The following SRSF9 variants were observed in gnomAD, a reference collection of about 807,000 sequenced individuals.
The protein encoded by SRSF9 is serine/arginine-rich splicing factor 9.
In SRSF9, 3 loss-of-function variants were observed where a neutral mutation model predicts 25.9. The ratio of observed to expected loss-of-function variants is 0.12; its 90% CI spans 0.05 to 0.30. SRSF9 has a LOEUF of 0.30. Among genes scored for constraint, SRSF9 ranks in the 10% least tolerant of loss-of-function variants. SRSF9 has a pLI of 1.00. For synonymous variants in SRSF9, 114 were observed against 113.2 expected, an observed-to-expected ratio of 1.01 and a Z score of -0.05; for missense variants, 161 against 303.5, an observed-to-expected ratio of 0.53 and a Z score of 3.49.
intron 1 of SRSF9, among the ~76,000 whole-genome samples, chr12:120,466,479 A>G: frequency 6.6e-6 from 1 of 152,192 alleles, no homozygotes; most frequent in East Asian, 1.9e-4. Flanking sequence ...TTAAAAAAAT[A>G]AATAAATAAG....
Position 120,461,975 on chromosome 12 carries a change from C to T in SRSF9, c.*44G>A, listed in dbSNP as rs1379983677. 6.4e-7 allele frequency: 1 copy of T among 1,555,766 alleles called. No individual in the cohort carries two copies. Among genetic ancestry groups the T allele is most frequent in the Admixed American group, 1.9e-5 (1 of 52,802 alleles). On this transcript the variant is annotated 3_prime_UTR_variant, in exon 4 of 4. Transcript: ENST00000229390. Reference sequence around the variant, plus strand: ...AATGTAGATTCTGAGCACAAAGCAGCTCAGTTAACCTAAAAAATAAAGAAA... The same window carrying T: ...AATGTAGATTCTGAGCACAAAGCAGTTCAGTTAACCTAAAAAATAAAGAAA...
At chr12:120,464,232 G>A (rs1878432853) in intron 2 of SRSF9, 110 bp from the exon 3 acceptor site, 1 of 1,285,766 alleles carries the variant, frequency 7.8e-7, no homozygotes, top group South Asian at 1.6e-5. Context: ...AATCCTGAGG[G>A]TCCCCAAATC....
chr12:120,462,339 T>G, intron 3 of SRSF9, 177 bp from the exon 4 acceptor site: 1 of 547,832 alleles, frequency 1.8e-6, no homozygotes, highest in Non-Finnish European at 3.0e-6. Context: ...ACTCTTACTA[T>G]CCCATTTCAA....
Position 120,466,501 on chromosome 12 carries a change from A to C in SRSF9, c.189-714T>G, listed in dbSNP as rs571836476. Among the ~76,000 whole-genome samples the C allele has an allele frequency of 2.0e-5, 3 of 152,222 alleles. No homozygotes were observed. In the East Asian group the frequency reaches 5.8e-4, roughly 29 times the overall value. ...AATAAATAAATAAGGCTCAAAGGAC[A>C]AAAGAAAAATGCAAATGAGTGTTTT... On this transcript the variant is annotated intron_variant, in intron 1 of 3. Coordinates refer to ENST00000229390, the MANE Select transcript of SRSF9 (RefSeq NM_003769.3).
In SRSF9 at chr12:120,468,718, G is replaced by GCTCA. The variant is rs1351798297; in HGVS notation, c.188+703_188+704insTGAG. Among the ~76,000 whole-genome samples, 4 of 152,336 alleles carry GCTCA rather than the reference G, an allele frequency of 2.6e-5. No individual in the cohort carries two copies. The East Asian group carries it at 5.8e-4, about 22-fold the overall frequency. ...AGTTCCTGGGCTTTTTCCGGCCTGAGGGCCGACGCTGTTTGCAAAATCACA... is the reference window on the plus strand; with the variant it reads ...AGTTCCTGGGCTTTTTCCGGCCTGAGCTCAGGCCGACGCTGTTTGCAAAATCACA... On this transcript the variant is annotated intron_variant, in intron 1 of 3. Transcript: ENST00000229390.
chr12:120,466,927 T>C (rs139872135), intron 1 of SRSF9, among the ~76,000 whole-genome samples: 2 of 152,312 alleles, frequency 1.3e-5, no homozygotes, highest in East Asian at 3.9e-4. Context: ...AAGAGATAAA[T>C]ATTCAATAAA....
intron 1 of SRSF9, among the ~76,000 whole-genome samples, chr12:120,466,014 A>C (rs1249524837): frequency 6.6e-6 from 1 of 152,198 alleles, no homozygotes; most frequent in Non-Finnish European, 1.5e-5. Context: ...AGAGGTATGA[A>C]ATTATAATGA....
chr12:120,464,733 C>G (rs1878445201), intron 2 of SRSF9: 1 of 152,204 alleles, frequency 6.6e-6, no homozygotes, highest in Admixed American at 6.5e-5. Context: ...ACAACCCTAC[C>G]TGATGTCATG....
chr12:120,463,401 A>G (rs1057039470), intron 3 of SRSF9: 1 of 152,006 alleles, frequency 6.6e-6, no homozygotes, highest in Non-Finnish European at 1.5e-5. Context: ...GACTGTCTCT[A>G]AAATCAAAAA....
Position 120,461,918 on chromosome 12 carries a change from A to C in SRSF9, c.*101T>G. On this transcript the variant is annotated 3_prime_UTR_variant, in exon 4 of 4. Coordinates refer to ENST00000229390, the MANE Select transcript of SRSF9 (RefSeq NM_003769.3). ...CTTCTTTAAAAAAAAAAAATTAAAAAAATTTCCTAAGACACTAAATCCTCA... is the reference window on the plus strand; with the variant it reads ...CTTCTTTAAAAAAAAAAAATTAAAACAATTTCCTAAGACACTAAATCCTCA... 8.0e-7 allele frequency: 1 copy of C among 1,257,580 alleles called. No individual in the cohort carries two copies. The highest frequency in any genetic ancestry group is 1.0e-6 in the Non-Finnish European group (1 of 964,476). The allele number at this position is 1,257,580 out of a possible 1,614,324, so 77.9% of individuals were successfully genotyped here. A position where few individuals can be genotyped will look rare whatever the true frequency, so the allele number is the denominator to read the frequency against.
In SRSF9 at chr12:120,469,462, C is replaced by G; in HGVS notation, c.148G>C (p.Gly50Arg). The G allele has an allele frequency of 6.3e-7, 1 of 1,594,984 alleles. No individual in the cohort carries two copies. Among genetic ancestry groups the G allele is most frequent in the Middle Eastern group, 1.7e-4 (1 of 5,890 alleles). The change falls in exon 1 of 4, where the codon GGC (glycine) becomes CGC (arginine). Residue 50 changes from glycine to arginine, a missense_variant. By Grantham distance (125) the Gly-to-Arg change is moderately radical (BLOSUM62 -2). Transcript: ENST00000229390. ...IREIELKNRH[G>R]LVPFAFVRFE... Reference sequence around the variant, plus strand: ...CGCACGAAGGCGAAGGGCACGAGGCCGTGCCGGTTCTTGAGCTCGATCTCG... The same window carrying G: ...CGCACGAAGGCGAAGGGCACGAGGCGGTGCCGGTTCTTGAGCTCGATCTCG...
intron 3 of SRSF9, chr12:120,463,703 GTGTAA>G (rs1878417858): frequency 2.6e-6 from 1 of 391,848 alleles, no homozygotes; most frequent in African/African-American, 2.0e-5. Flanking sequence ...TGACCAAACT[GTGTAA>G]TGTGATACTA....
intron 3 of SRSF9, 120 bp from the exon 4 acceptor site, chr12:120,462,282 T>A: frequency 9.4e-7 from 1 of 1,060,652 alleles, no homozygotes; most frequent in Non-Finnish European, 1.3e-6. Context: ...ACTCTGTGCC[T>A]GGCATGAGGC....
intron 1 of SRSF9, 80 bp downstream of exon 1, chr12:120,469,342 G>A (rs1341578777): frequency 9.8e-7 from 1 of 1,020,004 alleles, no homozygotes; most frequent in East Asian, 3.0e-5. Flanking sequence ...GGGGGGAGGG[G>A]AGCCCTGGGG....
At position 120,469,658 on chromosome 12, in the gene SRSF9, C is replaced by T. The variant is rs1878591781; in HGVS notation, c.-49G>A. ...CCGCCGCAGCCCACGTCGCCGCCGC[C>T]GCCTCAGCACGGGTCCCCCCGCAGC... On this transcript the variant is annotated 5_prime_UTR_variant, in exon 1 of 4. Coordinates refer to ENST00000229390, the MANE Select transcript of SRSF9 (RefSeq NM_003769.3). 5 of 1,164,748 alleles carry T rather than the reference C, an allele frequency of 4.3e-6. No homozygotes were observed. In the African/African-American group the frequency reaches 4.9e-5, roughly 11 times the overall value. 72.2% of individuals were successfully genotyped at this position (1,164,748 alleles called of 1,614,324 possible).
At chr12:120,468,547 C>T (rs1456350507) in intron 1 of SRSF9, among the ~76,000 whole-genome samples, 4 of 152,176 alleles carry the variant, frequency 2.6e-5, no homozygotes, top group African/African-American at 9.7e-5. Context: ...TACGTCCACC[C>T]CAGGTAGGTC....
chr12:120,463,086 C>T (rs1878394809), intron 3 of SRSF9: 1 of 151,234 alleles, frequency 6.6e-6, no homozygotes, highest in African/African-American at 2.4e-5. Flanking sequence ...CCGTAAATCT[C>T]ATAGTAAGGC....
At chr12:120,468,863 T>C (rs754844683) in intron 1 of SRSF9, among the ~76,000 whole-genome samples, 1 of 152,152 alleles carries the variant, frequency 6.6e-6, no homozygotes, top group African/African-American at 2.4e-5. Context: ...TCCGGCTGTT[T>C]TAGAAGTTTT....
Position 120,464,137 on chromosome 12 carries a change from C to T in SRSF9, c.350-15G>A. 1 of 1,606,586 alleles carries T rather than the reference C, an allele frequency of 6.2e-7. No homozygotes were observed. The highest frequency in any genetic ancestry group is 8.5e-7 in the Non-Finnish European group (1 of 1,176,418). On this transcript the variant is annotated splice_polypyrimidine_tract_variant and intron_variant, in intron 2 of 3. Coordinates refer to ENST00000229390, the MANE Select transcript of SRSF9 (RefSeq NM_003769.3). ...CGGAGGAAGTCCTAGGCATGGAGAA[C>T]ATAAGAAAGCCCACATCCTTCAGCT... is the stretch of plus-strand genomic sequence containing the variant.
Sources: gnomAD v4.1 joint callset for allele counts (sites outside exome capture counted in the v4.1 genomes callset) on GRCh38, gnomAD v4.1.1 for gene constraint, MANE v1.5 for transcripts, NCBI Gene and HGNC (gene_info 2026-07-23, HGNC 2026-07-21) for gene names.